SLC7A5: variants seen among roughly 807,000 people sequenced by gnomAD.
SLC7A5 encodes the protein solute carrier family 7 member 5.
A neutral mutation model predicts 50.2 loss-of-function variants in SLC7A5; 23 were observed. That is an observed-to-expected ratio of 0.46 (90% CI 0.33 to 0.65). The LOEUF is 0.65. SLC7A5 is among the 30% of genes least tolerant of loss of function. The probability of loss-of-function intolerance (pLI) is 0.02; values close to 1 mark genes in which losing one functional copy is unlikely to be tolerated. For missense variants in SLC7A5, 578 were observed against 684.4 expected, an observed-to-expected ratio of 0.84 and a Z score of 1.73; for synonymous variants, 393 against 330.6, an observed-to-expected ratio of 1.19 and a Z score of -2.05.
chr16:87,861,257 A>C lies in SLC7A5; in HGVS notation c.538+7628T>G, dbSNP rs989879655. On this transcript the variant is annotated intron_variant, in intron 1 of 9. Transcript: ENST00000261622. This position sits in a 1 kb window ranked among gnomAD's most constrained non-coding sequence, Gnocchi z 4.2. ...CTGGATGTGAGTCTGGGAAGGATGG[A>C]GAAGGGTGGAGGAGCGCAAAGGGCC... 1.3e-5 allele frequency among the ~76,000 whole-genome samples: 2 copies of C among 152,078 alleles called. No individual in the cohort carries two copies. The highest frequency in any genetic ancestry group is 2.9e-5 in the Non-Finnish European group (2 of 67,980).
At position 87,846,078 on chromosome 16, in the gene SLC7A5, G is replaced by T. The variant is rs1276486187; in HGVS notation, c.665-4923C>A. Reference sequence around the variant, plus strand: ...TGCGAGGTCTTCGAGGCCCAAAAGAGGTGCCCTGAGTCGCGAAGTACCCAC... The same window carrying T: ...TGCGAGGTCTTCGAGGCCCAAAAGATGTGCCCTGAGTCGCGAAGTACCCAC... On this transcript the variant is annotated intron_variant, in intron 2 of 9. Coordinates refer to ENST00000261622, the MANE Select transcript of SLC7A5 (RefSeq NM_003486.7). Among the ~76,000 whole-genome samples, 3 of 152,214 alleles carry T rather than the reference G, an allele frequency of 2.0e-5. No homozygotes were observed. In the South Asian group the frequency reaches 6.2e-4, roughly 32 times the overall value.
intron 1 of SLC7A5, among the ~76,000 whole-genome samples, chr16:87,857,741 T>G (rs1460438018): frequency 6.6e-6 from 1 of 152,270 alleles, no homozygotes; most frequent in African/African-American, 2.4e-5. Flanking sequence ...CAGATTTCTG[T>G]GAAAACAAAT....
chr16:87,867,610 C>A (rs1351613606), intron 1 of SLC7A5, among the ~76,000 whole-genome samples: 1 of 151,922 alleles, frequency 6.6e-6, no homozygotes, highest in Non-Finnish European at 1.5e-5. Context: ...ACAGGTCCTG[C>A]CAGTCAGAAG....
chr16:87,844,060 G>C (rs1411629849), intron 2 of SLC7A5, among the ~76,000 whole-genome samples: 1 of 152,182 alleles, frequency 6.6e-6, no homozygotes, highest in Non-Finnish European at 1.5e-5. Context: ...CACCCACAAG[G>C]AGGGGACAGC....
At chr16:87,855,539 G>A (rs577680585) in intron 1 of SLC7A5, among the ~76,000 whole-genome samples, 8 of 152,084 alleles carry the variant, frequency 5.3e-5, no homozygotes, top group African/African-American at 1.7e-4. Flanking sequence ...CTCTCCCCTC[G>A]GGGGGATGAC....
Position 87,833,555 on chromosome 16 carries a change from G to C in SLC7A5, c.1469-530C>G, listed in dbSNP as rs1323246656. 2.1e-4 allele frequency among the ~76,000 whole-genome samples: 32 copies of C among 152,240 alleles called. No individual in the cohort carries two copies. The highest frequency in any genetic ancestry group is 2.0e-3 in the Admixed American group (31 of 15,292). On this transcript the variant is annotated intron_variant, in intron 9 of 9. Transcript: ENST00000261622. This position sits in a 1 kb window ranked among gnomAD's most constrained non-coding sequence, Gnocchi z 6.0. Reference sequence around the variant, plus strand: ...GTTTGCTTTAAGCTCTTGGTGTCCTGAATGACAGTTAATGCAGATCCCACT... The same window carrying C: ...GTTTGCTTTAAGCTCTTGGTGTCCTCAATGACAGTTAATGCAGATCCCACT...
intron 1 of SLC7A5, among the ~76,000 whole-genome samples, chr16:87,858,186 T>C (rs1597513627): frequency 6.6e-6 from 1 of 152,198 alleles, no homozygotes; most frequent in East Asian, 1.9e-4. Context: ...GCAAGTTCCT[T>C]TGCAGGGACT....
chr16:87,865,252 G>GA (rs1019808243), intron 1 of SLC7A5, among the ~76,000 whole-genome samples: 5 of 151,608 alleles, frequency 3.3e-5, no homozygotes, highest in African/African-American at 1.2e-4. Flanking sequence ...GTGGGTCAGA[G>GA]AAAAAAAACA....
rs545094289 is a variant in SLC7A5, at chr16:87,855,962, T to C, written c.539-4113A>G. Among the ~76,000 whole-genome samples, 1,131 of 152,232 alleles carry C rather than the reference T, an allele frequency of 7.4e-3. 15 individuals carry two copies. The highest frequency in any genetic ancestry group is 0.026 in the African/African-American group (1,083 of 41,542). ...CAGAGGCTGCTCCCTGGGCCGCCGG[T>C]CCTCACCTGCCCCCGAGCCAGGCAC... On this transcript the variant is annotated intron_variant, in intron 1 of 9. Transcript: ENST00000261622.
intron 5 of SLC7A5, among the ~76,000 whole-genome samples, chr16:87,839,388 T>G (rs1175151957): frequency 6.6e-6 from 1 of 152,236 alleles, no homozygotes; most frequent in Non-Finnish European, 1.5e-5. Context: ...AGATTTAAAA[T>G]GACCTCTGCC....
At chr16:87,836,383 C>A in intron 8 of SLC7A5, 115 bp downstream of exon 8, 2 of 1,201,858 alleles carry the variant, frequency 1.7e-6, no homozygotes, top group East Asian at 2.4e-5. Context: ...TGCATGCAGG[C>A]AGGGGCAGGT....
chr16:87,852,738 CGTGT>C lies in SLC7A5; in HGVS notation c.539-893_539-890del, dbSNP rs957153129. 8.9e-5 allele frequency among the ~76,000 whole-genome samples: 12 copies of C among 134,716 alleles called. No individual in the cohort carries two copies. In the Middle Eastern group the frequency reaches 0.012, roughly 133 times the overall value. 88.4% of individuals were successfully genotyped at this position (134,716 alleles called of 152,430 possible). ...CACGCTGAGCCACTGTGTGTGTGTG[CGTGT>C]GTGTGTGTGTTTTGGGGGGTTCTGT... On this transcript the variant is annotated intron_variant, in intron 1 of 9. Coordinates refer to ENST00000261622, the MANE Select transcript of SLC7A5 (RefSeq NM_003486.7). The surrounding 1 kb of genome is among the most constrained non-coding windows in gnomAD (Gnocchi z 4.5).
Position 87,852,571 on chromosome 16 carries a change from C to G in SLC7A5, c.539-722G>C, listed in dbSNP as rs1005895138. On this transcript the variant is annotated intron_variant, in intron 1 of 9. Coordinates refer to ENST00000261622, the MANE Select transcript of SLC7A5 (RefSeq NM_003486.7). This position sits in a 1 kb window ranked among gnomAD's most constrained non-coding sequence, Gnocchi z 4.5. Reference sequence around the variant, plus strand: ...AGGCGCTGAGATGTGGGGTCAGGCACGCTCAGACAGGTCTCCAGACACCAG... The same window carrying G: ...AGGCGCTGAGATGTGGGGTCAGGCAGGCTCAGACAGGTCTCCAGACACCAG... Among the ~76,000 whole-genome samples the G allele has an allele frequency of 4.6e-5, 7 of 152,002 alleles. No individual in the cohort carries two copies. Among genetic ancestry groups the G allele is most frequent in the African/African-American group, 9.7e-5 (4 of 41,354 alleles).
chr16:87,856,236 G>C (rs115248994), intron 1 of SLC7A5, among the ~76,000 whole-genome samples: 1 of 152,228 alleles, frequency 6.6e-6, no homozygotes, highest in East Asian at 1.9e-4. Flanking sequence ...TGTGTTCCGC[G>C]CACGGTTTCA....
At chr16:87,835,284 C>T (rs964099026) in intron 8 of SLC7A5, among the ~76,000 whole-genome samples, 1 of 152,242 alleles carries the variant, frequency 6.6e-6, no homozygotes, top group Admixed American at 6.5e-5. Context: ...AGGCTCACAA[C>T]AGTGGGTAGA....
rs1475186803 is a variant in SLC7A5 at position 87,852,654 on chromosome 16, G to GTC, written c.539-806_539-805insGA. Among the ~76,000 whole-genome samples the GTC allele has an allele frequency of 6.7e-6, 1 of 148,482 alleles. No homozygotes were observed. The highest frequency in any genetic ancestry group is 1.5e-5 in the Non-Finnish European group (1 of 67,114). ...TCTGAGCCTCTGTGTGTGTGTGTGT[G>GTC]TGTGTGTGTGTGTGTGTGTGTGTGT... On this transcript the variant is annotated intron_variant, in intron 1 of 9. Coordinates refer to ENST00000261622, the MANE Select transcript of SLC7A5 (RefSeq NM_003486.7). This position sits in a 1 kb window ranked among gnomAD's most constrained non-coding sequence, Gnocchi z 4.5.
At chr16:87,868,639 G>GA (rs1197275097) in intron 1 of SLC7A5, among the ~76,000 whole-genome samples, 1 of 152,216 alleles carries the variant, frequency 6.6e-6, no homozygotes, top group Non-Finnish European at 1.5e-5. Context: ...AATGCCCACC[G>GA]AAGGGCAGGG....
chr16:87,860,363 C>T lies in SLC7A5; in HGVS notation c.539-8514G>A, dbSNP rs1345874499. Among the ~76,000 whole-genome samples, 35 of 142,436 alleles carry T rather than the reference C, an allele frequency of 2.5e-4. No individual in the cohort carries two copies. The highest frequency in any genetic ancestry group is 7.9e-4 in the African/African-American group (29 of 36,570). 93.4% of individuals were successfully genotyped at this position (142,436 alleles called of 152,430 possible). A position where few individuals can be genotyped will look rare whatever the true frequency, so the allele number is the denominator to read the frequency against. ...AAATACACACACACACACACACACA[C>T]ACACACACACACACACACACACACA... On this transcript the variant is annotated intron_variant, in intron 1 of 9. Transcript: ENST00000261622. This position sits in a 1 kb window ranked among gnomAD's most constrained non-coding sequence, Gnocchi z 4.8.
At chr16:87,843,409 G>C (rs887328440) in intron 2 of SLC7A5, among the ~76,000 whole-genome samples, 1 of 73,638 alleles carries the variant, frequency 1.4e-5, no homozygotes, top group Non-Finnish European at 2.4e-5. Flanking sequence ...CACCACGCTT[G>C]GCTAATTTTT....
Sources: allele counts gnomAD v4.1 joint callset (sites outside exome capture counted in the v4.1 genomes callset), GRCh38; gene constraint gnomAD v4.1.1; non-coding constraint Gnocchi (gnomAD v3.1); transcripts MANE v1.5; gene names NCBI Gene and HGNC (gene_info 2026-07-23, HGNC 2026-07-21).